PIP4K2A: variants seen among roughly 807,000 people sequenced by gnomAD.
The protein encoded by PIP4K2A is phosphatidylinositol 5-phosphate 4-kinase type-2 alpha.
In PIP4K2A, 14 loss-of-function variants were observed where a neutral mutation model predicts 42.9. The observed-to-expected ratio is 0.33, with a 90% confidence interval of 0.22 to 0.51. The LOEUF (loss-of-function observed/expected upper bound fraction) is 0.51. PIP4K2A is among the 20% of genes least tolerant of loss of function. The probability of loss-of-function intolerance (pLI) is 0.97; values close to 1 mark genes in which losing one functional copy is unlikely to be tolerated. For synonymous variants in PIP4K2A, 192 were observed against 192.2 expected (o/e 1.00, Z 0.01); for missense variants, 434 against 519.8 (o/e 0.83, Z 1.61).
At chr10:22,636,976 C>T (rs542295721) in intron 1 of PIP4K2A, among the ~76,000 whole-genome samples, 2 of 152,326 alleles carry the variant, frequency 1.3e-5, no homozygotes, top group South Asian at 2.1e-4. Flanking sequence ...AGAAGAACTG[C>T]GCAGCAGAGC....
Position 22,541,927 on chromosome 10 carries a change from C to G in PIP4K2A, c.913G>C (p.Asp305His), listed in dbSNP as rs776260758. 1 of 1,614,068 alleles carries G rather than the reference C, an allele frequency of 6.2e-7. No homozygotes were observed. The highest frequency in any genetic ancestry group is 1.3e-5 in the African/African-American group (1 of 75,010). Residue 305 changes from aspartate to histidine, a missense_variant, in exon 8 of 10, where the codon GAT becomes CAT. This residue lies in a region of PIP4K2A where 395 missense variants were observed against 444.5 expected (regional missense o/e 0.89). Coordinates refer to ENST00000376573, the MANE Select transcript of PIP4K2A (RefSeq NM_005028.5). Reference protein sequence around the residue: ...ENDGEEEGESDGTHPVGTPPD... With the variant: ...ENDGEEEGESHGTHPVGTPPD... ...GGGGTTCCCACCGGGTGGGTGCCAT[C>G]GCTCTCGCCCTCCTCCTCCCCATCG...
intron 1 of PIP4K2A, among the ~76,000 whole-genome samples, chr10:22,693,794 T>C (rs1212995204): frequency 2.0e-5 from 3 of 152,020 alleles, no homozygotes; most frequent in Admixed American, 6.6e-5. Flanking sequence ...CTCAGCTTTC[T>C]CAGCTATAAC....
intron 1 of PIP4K2A, among the ~76,000 whole-genome samples, chr10:22,696,239 G>A (rs1839969914): frequency 6.6e-6 from 1 of 152,106 alleles, no homozygotes. Flanking sequence ...CCATCAACTT[G>A]TCTACTTTCA....
intron 6 of PIP4K2A, chr10:22,567,549 C>T: frequency 3.3e-6 from 2 of 609,612 alleles, no homozygotes; most frequent in Non-Finnish European, 6.2e-6. Context: ...GCTGTCAGTG[C>T]CATTTTCGAT....
chr10:22,550,981 G>C (rs1010474034), intron 6 of PIP4K2A, among the ~76,000 whole-genome samples: 2 of 152,172 alleles, frequency 1.3e-5, no homozygotes, highest in Admixed American at 6.5e-5. Context: ...GGAAGCATTC[G>C]CAAGAGCAGT....
At chr10:22,596,444 GACA>G (rs1837637836) in intron 3 of PIP4K2A, among the ~76,000 whole-genome samples, 2 of 152,182 alleles carry the variant, frequency 1.3e-5, no homozygotes, top group African/African-American at 2.4e-5. Context: ...ATGTATTCAG[GACA>G]ACGTCAGCTA....
intron 1 of PIP4K2A, 70 bp downstream of exon 1, chr10:22,714,113 G>C: frequency 3.5e-6 from 5 of 1,442,630 alleles, no homozygotes; most frequent in Non-Finnish European, 4.7e-6. Flanking sequence ...AGCTGCAGCC[G>C]GAGGAGGAGG....
intron 5 of PIP4K2A, among the ~76,000 whole-genome samples, chr10:22,570,127 C>T (rs1836950145): frequency 1.3e-5 from 2 of 152,100 alleles, no homozygotes; most frequent in South Asian, 2.1e-4. Flanking sequence ...GCCCTTGAGG[C>T]ACTTACACAT....
rs917406461 is a variant in PIP4K2A at position 22,664,063 on chromosome 10, A to G, written c.144+50120T>C. On this transcript the variant is annotated intron_variant, in intron 1 of 9. Transcript: ENST00000376573. Reference sequence around the variant, plus strand: ...TATATATATACATATGTATATATACATATATATATATACGTATATATATAT... The same window carrying G: ...TATATATATACATATGTATATATACGTATATATATATACGTATATATATAT... 2.0e-4 allele frequency among the ~76,000 whole-genome samples: 16 copies of G among 79,172 alleles called. 1 individual carries two copies. The highest frequency in any genetic ancestry group is 6.1e-4 in the Admixed American group (5 of 8,132). The allele number at this position is 79,172 out of a possible 152,430, so 51.9% of individuals were successfully genotyped here. A position where few individuals can be genotyped will look rare whatever the true frequency, so the allele number is the denominator to read the frequency against.
chr10:22,645,686 ATT>A (rs200780978), intron 1 of PIP4K2A, among the ~76,000 whole-genome samples: 2 of 144,766 alleles, frequency 1.4e-5, no homozygotes. Flanking sequence ...ATAGTACTTA[ATT>A]TTTTTTTTTT....
chr10:22,589,897 G>A (rs905131274), intron 4 of PIP4K2A, among the ~76,000 whole-genome samples: 1 of 152,168 alleles, frequency 6.6e-6, no homozygotes, highest in African/African-American at 2.4e-5. Flanking sequence ...AACACCGTGT[G>A]ACTCTGCTAT....
chr10:22,537,075 A>AGAT lies in PIP4K2A; in HGVS notation c.*123_*125dup. ...CCCCAAATCAGTCATCTTGGCCTGAAGATGTAAACAAGGAGGTTTGCTTCC... is the reference window on the plus strand; with the variant it reads ...CCCCAAATCAGTCATCTTGGCCTGAAGATGATGTAAACAAGGAGGTTTGCTTCC... On this transcript the variant is annotated 3_prime_UTR_variant, in exon 10 of 10. Coordinates refer to ENST00000376573, the MANE Select transcript of PIP4K2A (RefSeq NM_005028.5). 1 of 680,160 alleles carries AGAT rather than the reference A, an allele frequency of 1.5e-6. No individual in the cohort carries two copies. The highest frequency in any genetic ancestry group is 2.6e-6 in the Non-Finnish European group (1 of 389,906). The allele number at this position is 680,160 out of a possible 1,614,324, so 42.1% of individuals were successfully genotyped here.
intron 1 of PIP4K2A, among the ~76,000 whole-genome samples, chr10:22,633,149 A>G (rs1838586572): frequency 6.6e-6 from 1 of 152,244 alleles, no homozygotes; most frequent in South Asian, 2.1e-4. Context: ...AAGGTCACAG[A>G]GACCTTTGCA....
intron 7 of PIP4K2A, among the ~76,000 whole-genome samples, chr10:22,546,251 A>T (rs1416595145): frequency 6.6e-6 from 1 of 152,262 alleles, no homozygotes; most frequent in African/African-American, 2.4e-5. Context: ...GGTGCCTCAC[A>T]CAAAATAATG....
At chr10:22,572,584 A>G (rs934029516) in intron 5 of PIP4K2A, among the ~76,000 whole-genome samples, 1 of 151,756 alleles carries the variant, frequency 6.6e-6, no homozygotes, top group Non-Finnish European at 1.5e-5. Flanking sequence ...CAGACTGAGC[A>G]ACAGAGGAAG....
intron 6 of PIP4K2A, among the ~76,000 whole-genome samples, chr10:22,561,604 C>A (rs1476546583): frequency 3.1e-5 from 3 of 95,478 alleles, no homozygotes; most frequent in African/African-American, 1.2e-4. Context: ...GAGACAGGGT[C>A]TTGTTCTGTC....
chr10:22,713,523 G>A (rs1160909243), intron 1 of PIP4K2A, among the ~76,000 whole-genome samples: 1 of 152,230 alleles, frequency 6.6e-6, no homozygotes, highest in Non-Finnish European at 1.5e-5. Context: ...TGCGGGAGAA[G>A]CGCAGGGATG....
intron 7 of PIP4K2A, among the ~76,000 whole-genome samples, chr10:22,549,838 C>CAAAA (rs56349240): frequency 4.3e-5 from 3 of 70,126 alleles, no homozygotes; most frequent in Non-Finnish European, 7.9e-5. Context: ...GAATCCATCT[C>CAAAA]AAAAAAAAAA....
At chr10:22,649,642 C>T (rs571043890) in intron 1 of PIP4K2A, among the ~76,000 whole-genome samples, 4 of 152,214 alleles carry the variant, frequency 2.6e-5, no homozygotes, top group East Asian at 1.9e-4. Flanking sequence ...ATGGTTAACC[C>T]GAACATCCTG....
Sources: gnomAD v4.1 joint callset for allele counts (sites outside exome capture counted in the v4.1 genomes callset) on GRCh38, gnomAD v4.1.1 for gene constraint, gnomAD v4.1.1 regional missense constraint, MANE v1.5 for transcripts, NCBI Gene and HGNC (gene_info 2026-07-23, HGNC 2026-07-21) for gene names.